The following RIC3 variants were observed in gnomAD, a reference collection of about 807,000 sequenced individuals.
RIC3 encodes the protein protein RIC-3.
RIC3 carries 28 observed loss-of-function variants against 27.3 expected under a neutral mutation model. The observed-to-expected ratio is 1.02, with a 90% CI of 0.76 to 1.41. The LOEUF is 1.41. RIC3 is among the 40% of genes most tolerant of loss of function. The pLI is 0.00. For synonymous variants in RIC3, 184 were observed against 160.4 expected (o/e 1.15, Z -1.11); for missense variants, 501 against 444.7 (o/e 1.13, Z -1.14).
the RIC3 span, chr11:8,096,924 AT>A: frequency 1.6e-6 from 2 of 1,234,206 alleles, no homozygotes; most frequent in Non-Finnish European, 2.3e-6. Flanking sequence ...CTGGCCTCTT[AT>A]GTCCCTCTAC....
the RIC3 span, chr11:8,096,803 CA>C: frequency 6.2e-7 from 1 of 1,614,144 alleles, no homozygotes; most frequent in Non-Finnish European, 8.5e-7. Context: ...GGAAGTCCGT[CA>C]GGGTGAGTGA....
At chr11:8,114,472 G>A (rs1309648258) in intron 5 of RIC3, among the ~76,000 whole-genome samples, 1 of 152,060 alleles carries the variant, frequency 6.6e-6, no homozygotes, top group Admixed American at 6.5e-5. Context: ...CGGGCGTGGT[G>A]GCAGGCGCCT....
At chr11:8,153,746 A>T (rs1279065041) in intron 1 of RIC3, among the ~76,000 whole-genome samples, 1 of 152,230 alleles carries the variant, frequency 6.6e-6, no homozygotes, top group East Asian at 1.9e-4. Context: ...ATTTCTTAAT[A>T]CAATCAGTAT....
At chr11:8,119,001 A>C (rs920226768) in intron 5 of RIC3, among the ~76,000 whole-genome samples, 7 of 152,210 alleles carry the variant, frequency 4.6e-5, no homozygotes, top group African/African-American at 1.7e-4. Context: ...ATTATGAGGA[A>C]AAAAGATAAG....
intron 4 of RIC3, chr11:8,128,154 C>G (rs1432900797): frequency 1.3e-5 from 6 of 456,682 alleles, no homozygotes; most frequent in Admixed American, 1.2e-4. Context: ...CACATAACCC[C>G]TATTTCTTAC....
the RIC3 span, among the ~76,000 whole-genome samples, chr11:8,099,864 G>C: frequency 3.3e-5 from 5 of 152,200 alleles, no homozygotes; most frequent in African/African-American, 1.2e-4. Context: ...TGAATGCCTG[G>C]CATGAAGAAG....
At chr11:8,136,562 A>T (rs1232410850) in intron 4 of RIC3, among the ~76,000 whole-genome samples, 13 of 152,200 alleles carry the variant, frequency 8.5e-5, no homozygotes, top group Non-Finnish European at 4.4e-5. Context: ...ATCCTCAGCC[A>T]GCCTGGTAGC....
downstream of RIC3, chr11:8,101,144 C>A: frequency 9.8e-7 from 1 of 1,015,396 alleles, no homozygotes; most frequent in Non-Finnish European, 1.4e-6. Context: ...AACTTTCTAA[C>A]CCTAATGACT....
the RIC3 span, among the ~76,000 whole-genome samples, chr11:8,095,089 CTGTT>C: frequency 1.3e-5 from 2 of 152,216 alleles, no homozygotes; most frequent in Non-Finnish European, 2.9e-5. Flanking sequence ...TATGTTGTGT[CTGTT>C]TGTGGAAGAA....
chr11:8,166,917 G>A (rs1284790090), intron 1 of RIC3, among the ~76,000 whole-genome samples: 1 of 151,710 alleles, frequency 6.6e-6, no homozygotes. Context: ...CAGGAAGAGA[G>A]GAAAGGAGGG....
chr11:8,111,482 CCAGA>C (rs1945260826), intron 5 of RIC3, among the ~76,000 whole-genome samples: 1 of 152,270 alleles, frequency 6.6e-6, no homozygotes. Flanking sequence ...AGCATCAAAA[CCAGA>C]CAGAGACAGC....
downstream of RIC3, chr11:8,104,187 C>T (rs1192027769): frequency 6.6e-6 from 1 of 152,284 alleles, no homozygotes; most frequent in East Asian, 1.9e-4. Context: ...ATACCCTCTA[C>T]CTGGATGGAT....
chr11:8,153,222 G>T (rs936956856), intron 1 of RIC3, among the ~76,000 whole-genome samples: 2 of 152,134 alleles, frequency 1.3e-5, no homozygotes, highest in African/African-American at 4.8e-5. Context: ...TTTACATGCG[G>T]TATTATTGTT....
chr11:8,127,680 C>T (rs1328017408), intron 4 of RIC3, among the ~76,000 whole-genome samples: 1 of 152,156 alleles, frequency 6.6e-6, no homozygotes, highest in African/African-American at 2.4e-5. Flanking sequence ...GCTTTGAGAC[C>T]AGTTTTATCT....
intron 5 of RIC3, among the ~76,000 whole-genome samples, chr11:8,122,313 G>A (rs376518833): frequency 7.2e-5 from 11 of 151,868 alleles, no homozygotes; most frequent in Non-Finnish European, 1.0e-4. Context: ...ATATTGCCAC[G>A]TCAATTATAA....
At chr11:8,165,040 T>TC (rs1413165678) in intron 1 of RIC3, among the ~76,000 whole-genome samples, 3 of 152,174 alleles carry the variant, frequency 2.0e-5, no homozygotes, top group Non-Finnish European at 2.9e-5. Flanking sequence ...AGAAGCCCTC[T>TC]TACACTGCTG....
chr11:8,160,692 A>C (rs1168887789), intron 1 of RIC3, among the ~76,000 whole-genome samples: 1 of 152,216 alleles, frequency 6.6e-6, no homozygotes, highest in Non-Finnish European at 1.5e-5. Context: ...TTAAGTATAG[A>C]AGAAGAAGAG....
chr11:8,155,971 A>G (rs576412115), intron 1 of RIC3, among the ~76,000 whole-genome samples: 1 of 152,240 alleles, frequency 6.6e-6, no homozygotes, highest in African/African-American at 2.4e-5. Context: ...TTTCCCTTCT[A>G]CCTGATTCTG....
At chr11:8,093,764 T>C in the RIC3 span, among the ~76,000 whole-genome samples, 1 of 152,164 alleles carries the variant, frequency 6.6e-6, no homozygotes, top group Non-Finnish European at 1.5e-5. Context: ...CCCAGAACTT[T>C]TGAGTGCGCA....
Sources: gnomAD v4.1 joint callset for allele counts (sites outside exome capture counted in the v4.1 genomes callset) on GRCh38, gnomAD v4.1.1 for gene constraint, MANE v1.5 for transcripts, NCBI Gene and HGNC (gene_info 2026-07-23, HGNC 2026-07-21) for gene names.